The following CNTNAP5 variants were observed in gnomAD, a reference collection of about 807,000 sequenced individuals.
CNTNAP5 encodes the protein contactin associated protein family member 5.
Under a neutral mutation model 150.2 loss-of-function variants are expected in CNTNAP5, and 72 were observed. That is an observed-to-expected ratio of 0.48 (90% CI 0.40 to 0.58). The LOEUF (loss-of-function observed/expected upper bound fraction) is 0.58, where lower values mean the gene tolerates loss of function less well. Ranked by LOEUF, CNTNAP5 falls within the 20% of genes least tolerant of loss-of-function variation. The probability of loss-of-function intolerance (pLI) is 0.00; values close to 1 mark genes in which losing one functional copy is unlikely to be tolerated. For missense variants in CNTNAP5, 1,636 were observed against 1,626.2 expected (o/e 1.01, Z -0.10); for synonymous variants, 672 against 619.8 (o/e 1.08, Z -1.25).
At chr2:124,562,942 A>G (rs1316625936) in intron 10 of CNTNAP5, among the ~76,000 whole-genome samples, 1 of 152,262 alleles carries the variant, frequency 6.6e-6, no homozygotes, top group African/African-American at 2.4e-5. Context: ...ACTTTAAGTC[A>G]ACATGAATTT....
At chr2:124,822,887 G>A (rs966424121) in intron 19 of CNTNAP5, among the ~76,000 whole-genome samples, 1 of 152,164 alleles carries the variant, frequency 6.6e-6, no homozygotes, top group African/African-American at 2.4e-5. Context: ...AGGTTAAAAT[G>A]TCAGAAGGAA....
At chr2:124,767,045 T>C (rs1485029818) in intron 16 of CNTNAP5, among the ~76,000 whole-genome samples, 2 of 152,204 alleles carry the variant, frequency 1.3e-5, no homozygotes, top group Non-Finnish European at 2.9e-5. Flanking sequence ...GTATTCTTTA[T>C]TTACAGCTAC....
intron 17 of CNTNAP5, among the ~76,000 whole-genome samples, chr2:124,786,430 GGAAGGAAGGAAGGAAGGAAAGAAA>G (rs1681587771): frequency 2.9e-5 from 3 of 102,244 alleles, no homozygotes; most frequent in African/African-American, 1.4e-4. Flanking sequence ...AAGGAAGGAA[GGAAGGAAGGAAGGAAGGAAAGAAA>G]GAAAGAAAGA....
intron 11 of CNTNAP5, among the ~76,000 whole-genome samples, chr2:124,599,150 G>A (rs939471299): frequency 3.9e-5 from 6 of 152,072 alleles, no homozygotes; most frequent in Admixed American, 2.0e-4. Flanking sequence ...GTTCCTATTC[G>A]GCCATCTTGG....
intron 3 of CNTNAP5, among the ~76,000 whole-genome samples, chr2:124,364,006 A>G (rs1269215860): frequency 2.6e-5 from 4 of 152,188 alleles, no homozygotes; most frequent in Non-Finnish European, 4.4e-5. Flanking sequence ...TTCAGAAGCC[A>G]GAGGCATGCT....
intron 1 of CNTNAP5, among the ~76,000 whole-genome samples, chr2:124,144,077 A>G (rs1181039940): frequency 1.4e-5 from 2 of 144,806 alleles, no homozygotes; most frequent in Admixed American, 7.0e-5. Context: ...TAGGAATCCA[A>G]CTTACAAGGG....
At chr2:124,811,716 G>A (rs545389958) in intron 19 of CNTNAP5, among the ~76,000 whole-genome samples, 11 of 146,854 alleles carry the variant, frequency 7.5e-5, no homozygotes, top group East Asian at 4.1e-4. Flanking sequence ...CGGGGGGGGT[G>A]GATCACCTGA....
chr2:124,655,661 G>A (rs552421044), intron 13 of CNTNAP5, among the ~76,000 whole-genome samples: 2 of 151,870 alleles, frequency 1.3e-5, no homozygotes, highest in South Asian at 2.1e-4. Flanking sequence ...GTTTTGAGAC[G>A]CCGAGGTGGG....
intron 1 of CNTNAP5, among the ~76,000 whole-genome samples, chr2:124,209,665 T>C (rs577688752): frequency 5.3e-5 from 8 of 152,276 alleles, no homozygotes; most frequent in Non-Finnish European, 8.8e-5. Context: ...TCTGTGGTCA[T>C]CACTGTGAAA....
intron 13 of CNTNAP5, among the ~76,000 whole-genome samples, chr2:124,679,378 A>G (rs757399606): frequency 3.3e-5 from 5 of 151,928 alleles, no homozygotes; most frequent in Admixed American, 6.7e-5. Context: ...CATCATTATC[A>G]TCTCATCCCT....
chr2:124,545,976 T>C (rs547007191), intron 10 of CNTNAP5, among the ~76,000 whole-genome samples: 1 of 152,240 alleles, frequency 6.6e-6, no homozygotes, highest in African/African-American at 2.4e-5. Context: ...CCCTACCAAC[T>C]GATAGCTTCA....
At chr2:124,362,492 A>G (rs947749205) in intron 3 of CNTNAP5, among the ~76,000 whole-genome samples, 4 of 152,186 alleles carry the variant, frequency 2.6e-5, no homozygotes, top group Non-Finnish European at 4.4e-5. Context: ...TATTACTATC[A>G]TTTTAAAACC....
At chr2:124,208,853 G>A (rs1685932107) in intron 1 of CNTNAP5, among the ~76,000 whole-genome samples, 1 of 152,144 alleles carries the variant, frequency 6.6e-6, no homozygotes, top group South Asian at 2.1e-4. Context: ...AGGTTCACAG[G>A]ATAGTTATAA....
At chr2:124,286,787 G>A (rs1688163243) in intron 3 of CNTNAP5, among the ~76,000 whole-genome samples, 1 of 152,168 alleles carries the variant, frequency 6.6e-6, no homozygotes, top group African/African-American at 2.4e-5. Flanking sequence ...TTCAGGGTTT[G>A]CACTGTGTTT....
At chr2:124,713,970 C>T (rs1188352024) in intron 13 of CNTNAP5, among the ~76,000 whole-genome samples, 2 of 152,076 alleles carry the variant, frequency 1.3e-5, no homozygotes, top group African/African-American at 4.8e-5. Context: ...ACCATATTCC[C>T]CCATACTCTC....
chr2:124,154,276 G>T (rs886550480), intron 1 of CNTNAP5, among the ~76,000 whole-genome samples: 2 of 152,126 alleles, frequency 1.3e-5, no homozygotes, highest in African/African-American at 4.8e-5. Flanking sequence ...TTCCCCTAGA[G>T]CAGACCCTAA....
At chr2:124,185,244 A>G (rs1685307319) in intron 1 of CNTNAP5, among the ~76,000 whole-genome samples, 1 of 152,134 alleles carries the variant, frequency 6.6e-6, no homozygotes, top group African/African-American at 2.4e-5. Context: ...CTATGTCAGC[A>G]TTACTGAGCC....
At chr2:124,470,655 T>C (rs2104829704) in intron 6 of CNTNAP5, among the ~76,000 whole-genome samples, 1 of 152,304 alleles carries the variant, frequency 6.6e-6, no homozygotes, top group South Asian at 2.1e-4. Context: ...GCCTATGTCC[T>C]GAATGCTATT....
rs1214372434 is a variant in CNTNAP5, at chr2:124,857,253, T to C, written c.3218-8053T>C. ...CACTGTCCGCATCATTTGAATACAGTGTTGCAATTGGAAACAAATTTGAAA... is the reference window on the plus strand; with the variant it reads ...CACTGTCCGCATCATTTGAATACAGCGTTGCAATTGGAAACAAATTTGAAA... On this transcript the variant is annotated intron_variant, in intron 19 of 23. Transcript: ENST00000682447. Among the ~76,000 whole-genome samples the C allele has an allele frequency of 3.3e-5, 5 of 152,224 alleles. No homozygotes were observed. In the East Asian group the frequency reaches 5.8e-4, roughly 18 times the overall value.
Sources: gnomAD v4.1 joint callset for allele counts (sites outside exome capture counted in the v4.1 genomes callset) on GRCh38, gnomAD v4.1.1 for gene constraint, MANE v1.5 for transcripts, NCBI Gene and HGNC (gene_info 2026-07-23, HGNC 2026-07-21) for gene names.